Variants in TMEM91 observed in about 807,000 individuals in gnomAD.
TMEM91 encodes the protein dispanin subfamily C member 3.
A neutral mutation model predicts 13.3 loss-of-function variants in TMEM91; 6 were observed. The observed-to-expected ratio is 0.45, with a 90% CI of 0.25 to 0.89. The LOEUF (loss-of-function observed/expected upper bound fraction) is 0.89, where lower values mean the gene tolerates loss of function less well. TMEM91 is among the 40% of genes least tolerant of loss of function. The probability of loss-of-function intolerance (pLI) is 0.19; values close to 1 mark genes in which losing one functional copy is unlikely to be tolerated. For missense variants in TMEM91, 193 were observed against 228.7 expected, an observed-to-expected ratio of 0.84 and a Z score of 1.01; for synonymous variants, 87 against 101.7, an observed-to-expected ratio of 0.86 and a Z score of 0.87.
upstream of TMEM91, among the ~76,000 whole-genome samples, chr19:41,375,977 G>T (rs909935459): frequency 6.6e-6 from 1 of 152,002 alleles, no homozygotes; most frequent in Non-Finnish European, 1.5e-5. Flanking sequence ...AAAATTAGCT[G>T]GGCGTGGTGG....
chr19:41,379,777 TGG>T (rs2038832897), intron 2 of TMEM91, among the ~76,000 whole-genome samples: 1 of 151,878 alleles, frequency 6.6e-6, no homozygotes, highest in Non-Finnish European at 1.5e-5. Context: ...CTTAGTTGCA[TGG>T]TTCTGCCTCT....
intron 1 of TMEM91, among the ~76,000 whole-genome samples, chr19:41,369,784 G>A (rs1397870785): frequency 6.6e-6 from 1 of 151,968 alleles, no homozygotes; most frequent in Non-Finnish European, 1.5e-5. Context: ...CTCCAGCCTG[G>A]GTGACAGAGC....
At chr19:41,381,275 C>T (rs1184481186) in intron 2 of TMEM91, among the ~76,000 whole-genome samples, 1 of 151,582 alleles carries the variant, frequency 6.6e-6, no homozygotes, top group Non-Finnish European at 1.5e-5. Context: ...ACTGGAGTCT[C>T]AAACTGCTGG....
At chr19:41,369,414 G>A (rs8106934) in intron 1 of TMEM91, among the ~76,000 whole-genome samples, 15,243 of 151,818 alleles carry the variant, frequency 0.1, 1,084 homozygotes, top group African/African-American at 0.19. Context: ...GGCTGAAGCC[G>A]GAGGATGCCT....
chr19:41,375,827 T>A (rs957111069), upstream of TMEM91, among the ~76,000 whole-genome samples: 566 of 134,102 alleles, frequency 4.2e-3, 6 homozygotes, highest in African/African-American at 0.014. Flanking sequence ...AAAATAATAA[T>A]AAAAAAAAAA....
rs2038540496 is a variant in TMEM91 at position 41,367,130 on chromosome 19, G to A, written c.-30+3035G>A. Among the ~76,000 whole-genome samples, 4 of 151,986 alleles carry A rather than the reference G, an allele frequency of 2.6e-5. No individual in the cohort carries two copies. In the South Asian group the frequency reaches 8.3e-4, roughly 32 times the overall value. On this transcript the variant is annotated intron_variant, in intron 1 of 3. Coordinates refer to the TMEM91 transcript ENST00000413014. ...CACTTCAGCCTGGGCGACAGAGCCAGACTTCTACTCTCAAAAAAGAAAAAA... is the reference window on the plus strand; with the variant it reads ...CACTTCAGCCTGGGCGACAGAGCCAAACTTCTACTCTCAAAAAAGAAAAAA...
intron 2 of TMEM91, among the ~76,000 whole-genome samples, chr19:41,379,136 CCTTTTTT>C (rs1178092120): frequency 7.2e-6 from 1 of 139,834 alleles, no homozygotes; most frequent in African/African-American, 2.7e-5. Context: ...GCCCAGCCTT[CCTTTTTT>C]TTTTTTTTTT....
At chr19:41,374,931 C>T (rs1357513130), upstream of TMEM91, among the ~76,000 whole-genome samples, 1 of 152,054 alleles carries the variant, frequency 6.6e-6, no homozygotes, top group Non-Finnish European at 1.5e-5. Context: ...TGCGGTGAGC[C>T]GAGATCACGC....
At chr19:41,375,452 G>A (rs925676885), upstream of TMEM91, among the ~76,000 whole-genome samples, 2 of 150,672 alleles carry the variant, frequency 1.3e-5, no homozygotes, top group African/African-American at 4.9e-5. Context: ...CTAATTTTTT[G>A]TATTTTTAGT....
At chr19:41,372,801 T>C (rs148677943), upstream of TMEM91, among the ~76,000 whole-genome samples, 1 of 152,242 alleles carries the variant, frequency 6.6e-6, no homozygotes, top group East Asian at 1.9e-4. Context: ...TTTTTTGTTA[T>C]AATAAGTAAT....
At chr19:41,372,574 C>T (rs9973242), upstream of TMEM91, among the ~76,000 whole-genome samples, 6,035 of 152,094 alleles carry the variant, frequency 0.04, 390 homozygotes, top group African/African-American at 0.14. Context: ...AGGTTATAGG[C>T]GACCTCCTTT....
rs992622514 is a variant in TMEM91 at position 41,376,620 on chromosome 19, C to T, written c.-264C>T. 1 of 152,248 alleles carries T rather than the reference C, an allele frequency of 6.6e-6. No homozygotes were observed. The highest frequency in any genetic ancestry group is 1.5e-5 in the Non-Finnish European group (1 of 68,046). 9.4% of individuals were successfully genotyped at this position (152,248 alleles called of 1,614,324 possible). ...CAGACCCCCGGGAGTCGTAGGAACC[C>T]GTTCCTGGACGCTGACGTCGGCTTT... On this transcript the variant is annotated 5_prime_UTR_variant, in exon 1 of 4. Coordinates refer to ENST00000392002, the MANE Select transcript of TMEM91 (RefSeq NM_001098821.2).
chr19:41,373,177 T>G (rs1475693763), upstream of TMEM91, among the ~76,000 whole-genome samples: 1 of 152,162 alleles, frequency 6.6e-6, no homozygotes, highest in Non-Finnish European at 1.5e-5. Context: ...TGGGTTTAAG[T>G]AATCCTCCCA....
chr19:41,378,831 A>T (rs866781148), intron 2 of TMEM91, among the ~76,000 whole-genome samples: 4,592 of 148,996 alleles, frequency 0.031, 217 homozygotes, highest in African/African-American at 0.11. Context: ...TGTGAGAGAG[A>T]GAGAGAGAGA....
At position 41,384,010 on chromosome 19, in the gene TMEM91, C is replaced by G. The variant is rs929994846; in HGVS notation, c.*137C>G. ...AAACGGGAGCGAGCTGGACTGGAAC[C>G]CTTCCCCTTCCTGGCCACCGCTCTT... On this transcript the variant is annotated 3_prime_UTR_variant, in exon 4 of 4. Transcript: ENST00000392002. 2.0e-5 allele frequency: 28 copies of G among 1,403,066 alleles called. No individual in the cohort carries two copies. Among genetic ancestry groups the G allele is most frequent in the Non-Finnish European group, 2.3e-5 (25 of 1,065,698 alleles). 86.9% of individuals were successfully genotyped at this position (1,403,066 alleles called of 1,614,324 possible).
At chr19:41,371,378 C>CTTCCTTCT (rs1381472555) in intron 1 of TMEM91, among the ~76,000 whole-genome samples, 4 of 130,332 alleles carry the variant, frequency 3.1e-5, no homozygotes, top group Non-Finnish European at 6.7e-5. Flanking sequence ...TCTTTCCTTC[C>CTTCCTTCT]TTCCTTCTTT....
intron 1 of TMEM91, among the ~76,000 whole-genome samples, chr19:41,365,531 A>C (rs2038505325): frequency 6.6e-6 from 1 of 151,464 alleles, no homozygotes; most frequent in African/African-American, 2.4e-5. Flanking sequence ...CAGCCTCCCG[A>C]GTAGCTGGGA....
At position 41,376,763 on chromosome 19, in the gene TMEM91, C is replaced by G. The variant is rs1313053516; in HGVS notation, c.-121C>G. The G allele has an allele frequency of 2.6e-5, 4 of 152,264 alleles. No individual in the cohort carries two copies. The highest frequency in any genetic ancestry group is 5.9e-5 in the Non-Finnish European group (4 of 68,064). 9.4% of individuals were successfully genotyped at this position (152,264 alleles called of 1,614,324 possible). ...GCTGAGACCCGCGTAGAGCAAAGCG[C>G]AAGGTCCCAGCGCCCCTTGGATCCT... On this transcript the variant is annotated 5_prime_UTR_variant, in exon 1 of 4. Coordinates refer to ENST00000392002, the MANE Select transcript of TMEM91 (RefSeq NM_001098821.2).
chr19:41,366,859 C>T (rs905984366), intron 1 of TMEM91, among the ~76,000 whole-genome samples: 1 of 151,952 alleles, frequency 6.6e-6, no homozygotes, highest in Non-Finnish European at 1.5e-5. Flanking sequence ...TGATTGAGGC[C>T]GGATTCGGTG....
Sources: gnomAD v4.1 joint callset for allele counts (sites outside exome capture counted in the v4.1 genomes callset) on GRCh38, gnomAD v4.1.1 for gene constraint, MANE v1.5 for transcripts, NCBI Gene and HGNC (gene_info 2026-07-23, HGNC 2026-07-21) for gene names.